Variants in ADCK1 observed in about 807,000 individuals in gnomAD.
ADCK1 encodes the protein aarF domain-containing protein kinase 1.
A neutral mutation model predicts 52.3 loss-of-function variants in ADCK1; 41 were observed. The ratio of observed to expected loss-of-function variants is 0.78; its 90% CI spans 0.61 to 1.02. The LOEUF (loss-of-function observed/expected upper bound fraction) is 1.02. Among genes scored for constraint, ADCK1 ranks in the 50% least tolerant of loss-of-function variants. The probability of loss-of-function intolerance (pLI) is 0.00; values close to 1 mark genes in which losing one functional copy is unlikely to be tolerated. For missense variants in ADCK1, 658 were observed against 679.5 expected (o/e 0.97, Z 0.35); for synonymous variants, 250 against 274.6 (o/e 0.91, Z 0.89).
At chr14:77,882,437 G>C (rs73313131) in intron 4 of ADCK1, among the ~76,000 whole-genome samples, 1 of 152,220 alleles carries the variant, frequency 6.6e-6, no homozygotes, top group Non-Finnish European at 1.5e-5. Context: ...CAGACATTTC[G>C]GTGTTTGTGA....
At chr14:77,859,980 C>T (rs190045404) in intron 4 of ADCK1, among the ~76,000 whole-genome samples, 1 of 152,312 alleles carries the variant, frequency 6.6e-6, no homozygotes, top group East Asian at 1.9e-4. Flanking sequence ...CTACCATCTG[C>T]CTGATGTCTT....
At chr14:77,875,377 C>T (rs1430471801) in intron 4 of ADCK1, among the ~76,000 whole-genome samples, 2 of 152,058 alleles carry the variant, frequency 1.3e-5, no homozygotes, top group Non-Finnish European at 2.9e-5. Context: ...CCTCCTCTTT[C>T]CTCAGGGTAG....
chr14:77,909,694 C>T (rs1566726919), intron 7 of ADCK1, among the ~76,000 whole-genome samples: 1 of 152,174 alleles, frequency 6.6e-6, no homozygotes, highest in Non-Finnish European at 1.5e-5. Context: ...CAGTGCTAAG[C>T]ACAGTGCCTG....
chr14:77,849,752 T>G (rs1489542722), intron 3 of ADCK1, among the ~76,000 whole-genome samples: 1 of 152,178 alleles, frequency 6.6e-6, no homozygotes, highest in Non-Finnish European at 1.5e-5. Context: ...GAGCCCGGCC[T>G]TGGTTTTCAA....
intron 3 of ADCK1, among the ~76,000 whole-genome samples, chr14:77,832,324 T>G (rs1486818843): frequency 1.3e-5 from 2 of 152,202 alleles, no homozygotes; most frequent in Non-Finnish European, 2.9e-5. Flanking sequence ...GTGTAGCACA[T>G]CATGAACTTG....
At position 77,881,478 on chromosome 14, in the gene ADCK1, G is replaced by A. The variant is rs114151271; in HGVS notation, c.424-5613G>A. On this transcript the variant is annotated intron_variant, in intron 4 of 10. Transcript: ENST00000238561. The stretch of plus-strand genomic sequence containing the variant: ...AATTCCAGCTCACACTCAAGGGAGG[G>A]GAATAGGTGCCCCCTCTCAAAGGGA... Among the ~76,000 whole-genome samples the A allele has an allele frequency of 2.7e-3, 416 of 152,268 alleles. 2 individuals are homozygous for A. Among genetic ancestry groups the A allele is most frequent in the African/African-American group, 9.5e-3 (396 of 41,556 alleles).
At chr14:77,853,817 T>C (rs2112130) in intron 3 of ADCK1, among the ~76,000 whole-genome samples, 34,958 of 152,106 alleles carry the variant, frequency 0.23, 4,068 homozygotes, top group Middle Eastern at 0.33. Flanking sequence ...TCTTTTTTTG[T>C]ACAGCTCTCT....
chr14:77,882,593 TCCCTGAGGG>T (rs919541958), intron 4 of ADCK1, among the ~76,000 whole-genome samples: 1 of 152,248 alleles, frequency 6.6e-6, no homozygotes, highest in African/African-American at 2.4e-5. Context: ...AGGAGCCCCT[TCCCTGAGGG>T]CCCTGAGGCT....
chr14:77,904,565 A>G (rs2083615885), intron 6 of ADCK1, among the ~76,000 whole-genome samples: 1 of 152,248 alleles, frequency 6.6e-6, no homozygotes. Context: ...AAAGCATAGA[A>G]ACAAAGCAGA....
At chr14:77,847,749 A>G (rs1267737383) in intron 3 of ADCK1, among the ~76,000 whole-genome samples, 1 of 152,190 alleles carries the variant, frequency 6.6e-6, no homozygotes, top group Non-Finnish European at 1.5e-5. Context: ...TGCTGTCATC[A>G]GAGACCCCAT....
chr14:77,900,546 C>G (rs1490090208), intron 6 of ADCK1: 1 of 454,384 alleles, frequency 2.2e-6, no homozygotes. Flanking sequence ...GAGATCATGC[C>G]ATTGCATTGC....
chr14:77,928,694 T>G (rs1436580325), intron 9 of ADCK1, among the ~76,000 whole-genome samples: 2 of 152,132 alleles, frequency 1.3e-5, no homozygotes, highest in Non-Finnish European at 2.9e-5. Flanking sequence ...TCTCCTGACC[T>G]TGTGATACAC....
At chr14:77,878,060 A>C (rs772593797) in intron 4 of ADCK1, among the ~76,000 whole-genome samples, 5 of 152,088 alleles carry the variant, frequency 3.3e-5, no homozygotes, top group Non-Finnish European at 5.9e-5. Context: ...CCTTCATTGC[A>C]CTTGTCAGAG....
At chr14:77,925,418 G>T (rs2084167087) in intron 8 of ADCK1, among the ~76,000 whole-genome samples, 1 of 152,234 alleles carries the variant, frequency 6.6e-6, no homozygotes. Flanking sequence ...GTTTCTGTGG[G>T]CCAGGCCTGG....
At position 77,818,026 on chromosome 14, in the gene ADCK1, C is replaced by T. The variant is rs1488168175; in HGVS notation, c.-11-942C>T. Among the ~76,000 whole-genome samples, 3 of 152,250 alleles carry T rather than the reference C, an allele frequency of 2.0e-5. No homozygotes were observed. The East Asian group carries it at 5.8e-4, about 29-fold the overall frequency. On this transcript the variant is annotated intron_variant, in intron 1 of 10. Coordinates refer to ENST00000238561, the MANE Select transcript of ADCK1 (RefSeq NM_020421.4). ...GTGCTGGGATTACAGGCGTGAGCCA[C>T]CACGCTGGGCCTCAAGGGGTAGTCT... is the stretch of plus-strand genomic sequence containing the variant.
intron 3 of ADCK1, among the ~76,000 whole-genome samples, chr14:77,834,141 T>C (rs2081914207): frequency 6.6e-6 from 1 of 152,238 alleles, no homozygotes; most frequent in Non-Finnish European, 1.5e-5. Context: ...CACTTCTTTA[T>C]AACCAACTAT....
chr14:77,834,209 T>C (rs2081915339), intron 3 of ADCK1, among the ~76,000 whole-genome samples: 1 of 152,252 alleles, frequency 6.6e-6, no homozygotes, highest in Non-Finnish European at 1.5e-5. Context: ...CTTGGCTTTG[T>C]TCTAAGCAAA....
At chr14:77,837,757 A>G (rs1014372779) in intron 3 of ADCK1, among the ~76,000 whole-genome samples, 1 of 151,726 alleles carries the variant, frequency 6.6e-6, no homozygotes, top group African/African-American at 2.4e-5. Context: ...TTTTTTCTCT[A>G]CCTCTCTCCC....
At chr14:77,875,469 G>A (rs1053543274) in intron 4 of ADCK1, among the ~76,000 whole-genome samples, 1 of 147,546 alleles carries the variant, frequency 6.8e-6, no homozygotes, top group African/African-American at 2.5e-5. Flanking sequence ...AACAGCCTAC[G>A]GTCCCTGGTT....
Sources: allele counts gnomAD v4.1 joint callset (sites outside exome capture counted in the v4.1 genomes callset), GRCh38; gene constraint gnomAD v4.1.1; transcripts MANE v1.5; gene names NCBI Gene and HGNC (gene_info 2026-07-23, HGNC 2026-07-21).